The following KCNC1 variants were observed in gnomAD, a reference collection of about 807,000 sequenced individuals.
KCNC1 encodes potassium voltage-gated channel subfamily C member 1, also known as voltage-gated potassium channel KCNC1.
Under a neutral mutation model 43.4 loss-of-function variants are expected in KCNC1, and 8 were observed. That is an observed-to-expected ratio of 0.18 (90% CI 0.11 to 0.33). The LOEUF (loss-of-function observed/expected upper bound fraction) is 0.33, where lower values mean the gene tolerates loss of function less well. Ranked by LOEUF, KCNC1 falls within the 10% of genes least tolerant of loss-of-function variation. The pLI, the probability that KCNC1 is intolerant of heterozygous loss-of-function variation, is 1.00. For missense variants in KCNC1, 420 were observed against 836.0 expected (o/e 0.50, Z 6.14); for synonymous variants, 361 against 360.5 (o/e 1.00, Z -0.01).
At chr11:17,744,128 G>A (rs1848872461) in intron 1 of KCNC1, among the ~76,000 whole-genome samples, 1 of 152,206 alleles carries the variant, frequency 6.6e-6, no homozygotes. Context: ...GCTACCTTGA[G>A]CAAGTCCTGT....
chr11:17,745,968 A>G (rs1247213211), intron 1 of KCNC1, among the ~76,000 whole-genome samples: 3 of 152,196 alleles, frequency 2.0e-5, no homozygotes, highest in African/African-American at 7.2e-5. Context: ...CCATGAGGGC[A>G]GGGATTTTTG....
chr11:17,770,983 A>G (rs918549872), intron 1 of KCNC1, among the ~76,000 whole-genome samples: 7 of 152,184 alleles, frequency 4.6e-5, no homozygotes. Flanking sequence ...GGAACTCATT[A>G]CCATGTTGTG....
In KCNC1 at chr11:17,760,234, C is replaced by T. The variant is rs1343326575; in HGVS notation, c.571-11431C>T. ...ATTGAGCACTAAATTTAGCCGAGCT[C>T]CCTGGCAGTCAGAGCAAAAGAGAAA... On this transcript the variant is annotated intron_variant, in intron 1 of 3. Coordinates refer to ENST00000265969, the MANE Select transcript of KCNC1 (RefSeq NM_001112741.2). Among the ~76,000 whole-genome samples the T allele has an allele frequency of 2.0e-5, 3 of 152,176 alleles. No individual in the cohort carries two copies. In the East Asian group the frequency reaches 5.8e-4, roughly 29 times the overall value.
chr11:17,748,519 G>A (rs572353477), intron 1 of KCNC1, among the ~76,000 whole-genome samples: 4 of 152,262 alleles, frequency 2.6e-5, no homozygotes, highest in African/African-American at 9.6e-5. Context: ...TGAGAGATGG[G>A]CACGCTAGGG....
intron 1 of KCNC1, among the ~76,000 whole-genome samples, chr11:17,740,340 TGAAGG>T (rs1402837346): frequency 2.0e-5 from 3 of 152,038 alleles, no homozygotes; most frequent in African/African-American, 7.2e-5. Flanking sequence ...GGAGAGGCTA[TGAAGG>T]GATTTCCTGG....
chr11:17,736,089 G>A lies in KCNC1; in HGVS notation c.87G>A (p.Leu29=). ...CGTACCGCTCGACCCTGCGCACGCT[G>A]CCCGGCACGCGGCTCGCCTGGCTGG... ...HQTYRSTLRT[L]PGTRLAWLAE... is the part of the protein sequence containing the mutation. The change falls in exon 1 of 4, where the codon CTG becomes CTA. Residue 29 remains leucine (L), a synonymous_variant. Coordinates refer to ENST00000265969, the MANE Select transcript of KCNC1 (RefSeq NM_001112741.2). The surrounding 1 kb of genome is among the most constrained non-coding windows in gnomAD (Gnocchi z 9.3). The A allele has an allele frequency of 6.2e-7, 1 of 1,607,428 alleles. No individual in the cohort carries two copies. The highest frequency in any genetic ancestry group is 1.1e-5 in the South Asian group (1 of 90,212).
intron 1 of KCNC1, among the ~76,000 whole-genome samples, chr11:17,741,506 A>C (rs1406259701): frequency 6.6e-6 from 1 of 151,876 alleles, no homozygotes; most frequent in Non-Finnish European, 1.5e-5. Context: ...GGCTCAAGCC[A>C]CCATGGTTCC....
chr11:17,738,714 C>T (rs1848798846), intron 1 of KCNC1, among the ~76,000 whole-genome samples: 1 of 152,244 alleles, frequency 6.6e-6, no homozygotes, highest in East Asian at 1.9e-4. Flanking sequence ...TATTGGTGTG[C>T]AAAACCGTAC....
rs376249180 is a variant in KCNC1, at chr11:17,771,128, C to G, written c.571-537C>G. On this transcript the variant is annotated intron_variant, in intron 1 of 3. Coordinates refer to ENST00000265969, the MANE Select transcript of KCNC1 (RefSeq NM_001112741.2). This position sits in a 1 kb window ranked among gnomAD's most constrained non-coding sequence, Gnocchi z 4.7. ...AGACCACATGAGGGAGGTACAGACC[C>G]ATGGAAAAGAGCAAAGAGCCTGGAG... Among the ~76,000 whole-genome samples, 38 of 152,250 alleles carry G rather than the reference C, an allele frequency of 2.5e-4. No homozygotes were observed. The highest frequency in any genetic ancestry group is 7.9e-4 in the African/African-American group (33 of 41,550).
rs997533946 is a variant in KCNC1, at chr11:17,742,057, C to T, written c.570+5485C>T. On this transcript the variant is annotated intron_variant, in intron 1 of 3. Transcript: ENST00000265969. The surrounding 1 kb of genome is among the most constrained non-coding windows in gnomAD (Gnocchi z 4.2). Reference sequence around the variant, plus strand: ...CTAGACTGTAAGCCTCTGGCATGCTCTATAGAATAGGAGCTGTTATCATGA... The same window carrying T: ...CTAGACTGTAAGCCTCTGGCATGCTTTATAGAATAGGAGCTGTTATCATGA... 2.6e-5 allele frequency among the ~76,000 whole-genome samples: 4 copies of T among 152,348 alleles called. No homozygotes were observed. Among genetic ancestry groups the T allele is most frequent in the Admixed American group, 1.3e-4 (2 of 15,306 alleles).
chr11:17,740,924 TC>T (rs1848833193), intron 1 of KCNC1, among the ~76,000 whole-genome samples: 1 of 152,078 alleles, frequency 6.6e-6, no homozygotes, highest in Non-Finnish European at 1.5e-5. Context: ...CTCCCTTGGG[TC>T]CCAGCCGACA....
Position 17,771,212 on chromosome 11 carries a change from C to T in KCNC1, c.571-453C>T, listed in dbSNP as rs142861263. ...GGCTTCATTCCACTCTAGCTGCCCCCTCTTATTTCTTTGCAAACTTCAGCC... is the reference window on the plus strand; with the variant it reads ...GGCTTCATTCCACTCTAGCTGCCCCTTCTTATTTCTTTGCAAACTTCAGCC... On this transcript the variant is annotated intron_variant, in intron 1 of 3. Transcript: ENST00000265969. This position sits in a 1 kb window ranked among gnomAD's most constrained non-coding sequence, Gnocchi z 4.7. Among the ~76,000 whole-genome samples, 1 of 150,350 alleles carries T rather than the reference C, an allele frequency of 6.7e-6. No individual in the cohort carries two copies. Among genetic ancestry groups the T allele is most frequent in the East Asian group, 2.0e-4 (1 of 4,896 alleles).
rs1467345838 is a variant in KCNC1, at chr11:17,779,706, G to T, written c.1693+62G>T. 22 of 1,340,810 alleles carry T rather than the reference G, an allele frequency of 1.6e-5. No individual in the cohort carries two copies. Among genetic ancestry groups the T allele is most frequent in the Non-Finnish European group, 2.1e-5 (22 of 1,024,066 alleles). The allele number at this position is 1,340,810 out of a possible 1,614,324, so 83.1% of individuals were successfully genotyped here. ...GGCCGCCTCGCGCTCCTGCAGATGG[G>T]TGGGCAGGGCGGCGGGCAAGGGCGC... is the stretch of plus-strand genomic sequence containing the variant. On this transcript the variant is annotated intron_variant, in intron 3 of 3. Transcript: ENST00000265969. The surrounding 1 kb of genome is among the most constrained non-coding windows in gnomAD (Gnocchi z 7.2).
intron 2 of KCNC1, among the ~76,000 whole-genome samples, chr11:17,778,845 G>A (rs1337503959): frequency 7.1e-6 from 1 of 140,984 alleles, no homozygotes; most frequent in Non-Finnish European, 1.5e-5. Flanking sequence ...GGTCGGGGGG[G>A]TACGGGCGCA....
In KCNC1 at chr11:17,736,347, C is replaced by A. The variant is rs757835303; in HGVS notation, c.345C>A (p.Ala115=). The change falls in exon 1 of 4, where the codon GCC becomes GCA. Residue 115 remains alanine, a synonymous_variant. Transcript: ENST00000265969. The surrounding 1 kb of genome is among the most constrained non-coding windows in gnomAD (Gnocchi z 9.3). ...TGACGTACCGCCAGCACCGCGACGCCGAGGAGGCTCTGGACAGCTTCGGCG... is the reference window on the plus strand; with the variant it reads ...TGACGTACCGCCAGCACCGCGACGCAGAGGAGGCTCTGGACAGCTTCGGCG... ...CWMTYRQHRD[A]EEALDSFGGA... 6.2e-7 allele frequency: 1 copy of A among 1,612,936 alleles called. No homozygotes were observed. The highest frequency in any genetic ancestry group is 1.7e-5 in the Admixed American group (1 of 59,992).
chr11:17,740,891 C>T (rs1227549091), intron 1 of KCNC1, among the ~76,000 whole-genome samples: 4 of 152,160 alleles, frequency 2.6e-5, no homozygotes, highest in African/African-American at 7.2e-5. Context: ...GGAAATAAAG[C>T]GCCCAGCCAG....
At position 17,773,830 on chromosome 11, in the gene KCNC1, G is replaced by A. The variant is rs1236016274; in HGVS notation, c.1504+1232G>A. ...CAGCACTGAGTAAGAAGGAGTGCCA[G>A]GTGAGCAGGAGGTTGACGTGACAGG... On this transcript the variant is annotated intron_variant, in intron 2 of 3. Coordinates refer to ENST00000265969, the MANE Select transcript of KCNC1 (RefSeq NM_001112741.2). This position sits in a 1 kb window ranked among gnomAD's most constrained non-coding sequence, Gnocchi z 4.1. 1 of 985,448 alleles carries A rather than the reference G, an allele frequency of 1.0e-6. No homozygotes were observed. Among genetic ancestry groups the A allele is most frequent in the African/African-American group, 1.7e-5 (1 of 57,238 alleles). The allele number at this position is 985,448 out of a possible 1,614,324, so 61.0% of individuals were successfully genotyped here.
At chr11:17,744,366 G>C (rs767162018) in intron 1 of KCNC1, among the ~76,000 whole-genome samples, 3 of 152,160 alleles carry the variant, frequency 2.0e-5, no homozygotes, top group Non-Finnish European at 4.4e-5. Flanking sequence ...TCCTGGCCCA[G>C]AGCAGGCAGG....
At chr11:17,757,799 C>A (rs1041636612) in intron 1 of KCNC1, among the ~76,000 whole-genome samples, 1 of 152,156 alleles carries the variant, frequency 6.6e-6, no homozygotes, top group African/African-American at 2.4e-5. Context: ...TTTTTAAATA[C>A]GTTATTGCTT....
Sources: gnomAD v4.1 joint callset for allele counts (sites outside exome capture counted in the v4.1 genomes callset) on GRCh38, gnomAD v4.1.1 for gene constraint, Gnocchi (gnomAD v3.1) non-coding constraint, MANE v1.5 for transcripts, NCBI Gene and HGNC (gene_info 2026-07-23, HGNC 2026-07-21) for gene names.